The following CRB1 variants were observed in gnomAD, a reference collection of about 807,000 sequenced individuals.
The protein encoded by CRB1 is crumbs cell polarity complex component 1, also known as protein crumbs homolog 1.
Under a neutral mutation model 120.0 loss-of-function variants are expected in CRB1, and 83 were observed. That is an observed-to-expected ratio of 0.69 (90% CI 0.58 to 0.83). CRB1 has a LOEUF of 0.83. CRB1 is among the 40% of genes least tolerant of loss of function. The pLI is 0.00. For synonymous variants in CRB1, 625 were observed against 612.5 expected (o/e 1.02, Z -0.30); for missense variants, 1,699 against 1,687.6 (o/e 1.01, Z -0.12).
chr1:197,385,643 G>T (rs1378041308), intron 5 of CRB1, among the ~76,000 whole-genome samples: 1 of 151,990 alleles, frequency 6.6e-6, no homozygotes, highest in African/African-American at 2.4e-5. Flanking sequence ...GGGTTATTAT[G>T]ATTACTATTA....
At chr1:197,271,043 T>TA (rs1469104953) in intron 1 of CRB1, among the ~76,000 whole-genome samples, 1 of 151,790 alleles carries the variant, frequency 6.6e-6, no homozygotes, top group African/African-American at 2.4e-5. Flanking sequence ...CACAAAAATA[T>TA]AAAAAATTAA....
chr1:197,303,561 C>T (rs950089642), intron 1 of CRB1, among the ~76,000 whole-genome samples: 1 of 151,608 alleles, frequency 6.6e-6, no homozygotes, highest in African/African-American at 2.4e-5. Flanking sequence ...CTTTACTCTC[C>T]CCAACAAGTC....
At chr1:197,474,057 T>G (rs1426474704) in intron 11 of CRB1, among the ~76,000 whole-genome samples, 1 of 152,212 alleles carries the variant, frequency 6.6e-6, no homozygotes, top group Non-Finnish European at 1.5e-5. Context: ...TTGGTCATAC[T>G]GCAACGTCCT....
rs569940169 is a variant in CRB1, at chr1:197,328,402, T to G, written c.71-20T>G. 6.3e-7 allele frequency: 1 copy of G among 1,576,018 alleles called. No individual in the cohort carries two copies. The highest frequency in any genetic ancestry group is 1.1e-5 in the South Asian group (1 of 90,032). On this transcript the variant is annotated intron_variant, in intron 1 of 11. Transcript: ENST00000367400. ...TCCTCATTTATAAATTTAATCTTGTTACTTTTTATTTCCTTGTAGATTCCT... is the reference window on the plus strand; with the variant it reads ...TCCTCATTTATAAATTTAATCTTGTGACTTTTTATTTCCTTGTAGATTCCT...
In CRB1 at chr1:197,477,661, C is replaced by T. The variant is rs755256912; in HGVS notation, c.4006-3C>T. The stretch of plus-strand genomic sequence containing the variant: ...CGCATCCCAATGATTTCAATCTTTC[C>T]AGTTGGCAGATGACTTGATCTCCGA... On this transcript the variant is annotated splice_polypyrimidine_tract_variant and splice_region_variant and intron_variant, in intron 11 of 11. Transcript: ENST00000367400. 1.9e-6 allele frequency: 3 copies of T among 1,613,118 alleles called. No homozygotes were observed. Among genetic ancestry groups the T allele is most frequent in the Non-Finnish European group, 2.5e-6 (3 of 1,179,226 alleles).
chr1:197,230,726 G>A, the CRB1 span, among the ~76,000 whole-genome samples: 1 of 152,038 alleles, frequency 6.6e-6, no homozygotes, highest in Admixed American at 6.6e-5. Context: ...GTATTTTTCA[G>A]AGAAAAAGAA....
intron 5 of CRB1, chr1:197,357,412 A>G (rs1240688393): frequency 1.1e-5 from 3 of 273,060 alleles, no homozygotes; most frequent in Non-Finnish European, 2.1e-5. Flanking sequence ...AAAATGACCT[A>G]GTCTCAAGTA....
intron 8 of CRB1, among the ~76,000 whole-genome samples, 188 bp from the exon 9 acceptor site, chr1:197,434,515 GATA>G (rs1665026975): frequency 6.6e-6 from 1 of 151,908 alleles, no homozygotes; most frequent in African/African-American, 2.4e-5. Context: ...ATAAAATGGG[GATA>G]ATAATAATAC....
chr1:197,435,168 T>C lies in CRB1; in HGVS notation c.3305T>C (p.Ile1102Thr), dbSNP rs1342376053. The change falls in exon 9 of 12, where the codon ATC becomes ACC. Residue 1102 changes from isoleucine (I) to threonine (T), a missense_variant. Transcript: ENST00000367400. ...GLQGCLSTIE[I>T]GGIYLSYFEN... is the part of the protein sequence containing the mutation. Reference sequence around the variant, plus strand: ...CAAGGGTGTCTAAGTACAATAGAAATCGGAGGCATTTATCTCTCTTACTTT... The same window carrying C: ...CAAGGGTGTCTAAGTACAATAGAAACCGGAGGCATTTATCTCTCTTACTTT... 1 of 1,613,912 alleles carries C rather than the reference T, an allele frequency of 6.2e-7. No individual in the cohort carries two copies. Among genetic ancestry groups the C allele is most frequent in the South Asian group, 1.1e-5 (1 of 91,080 alleles).
the CRB1 span, among the ~76,000 whole-genome samples, chr1:197,217,459 T>C: frequency 6.6e-6 from 1 of 152,194 alleles, no homozygotes; most frequent in Admixed American, 6.5e-5. Context: ...CAAAATTTGG[T>C]ATATCCATGC....
At chr1:197,279,465 A>C in intron 1 of CRB1, among the ~76,000 whole-genome samples, 1 of 151,662 alleles carries the variant, frequency 6.6e-6, no homozygotes, top group South Asian at 2.1e-4. Flanking sequence ...TCAAATAATT[A>C]TAGATGTAAA....
intron 5 of CRB1, among the ~76,000 whole-genome samples, chr1:197,373,658 A>T (rs1453345303): frequency 6.6e-6 from 1 of 152,202 alleles, no homozygotes; most frequent in African/African-American, 2.4e-5. Flanking sequence ...GGCCAGAAAG[A>T]GGCAAAGAAG....
intron 1 of CRB1, among the ~76,000 whole-genome samples, chr1:197,293,877 T>C (rs530852837): frequency 2.5e-4 from 38 of 152,168 alleles, no homozygotes; most frequent in Admixed American, 1.0e-3. Context: ...AAGCTGAAAC[T>C]GGATCCCTTC....
intron 1 of CRB1, among the ~76,000 whole-genome samples, chr1:197,286,802 A>G (rs574984501): frequency 1.1e-4 from 17 of 152,018 alleles, no homozygotes; most frequent in Non-Finnish European, 2.4e-4. Flanking sequence ...ATTTCATAAA[A>G]TTTTTGTTTA....
chr1:197,423,424 C>T (rs1664431976), intron 6 of CRB1, among the ~76,000 whole-genome samples: 1 of 152,158 alleles, frequency 6.6e-6, no homozygotes, highest in Non-Finnish European at 1.5e-5. Context: ...AAATATTTGA[C>T]TTCAAAAGAT....
At chr1:197,342,405 T>C (rs1659519301) in intron 2 of CRB1, among the ~76,000 whole-genome samples, 1 of 152,156 alleles carries the variant, frequency 6.6e-6, no homozygotes, top group Non-Finnish European at 1.5e-5. Context: ...CTCTAAACAT[T>C]CTTGTTTTTG....
the CRB1 span, among the ~76,000 whole-genome samples, chr1:197,212,097 A>T: frequency 6.6e-6 from 1 of 152,228 alleles, no homozygotes; most frequent in Non-Finnish European, 1.5e-5. Flanking sequence ...CATCCATTAG[A>T]ATAACCGAAA....
At chr1:197,207,689 G>T in the CRB1 span, among the ~76,000 whole-genome samples, 1 of 152,016 alleles carries the variant, frequency 6.6e-6, no homozygotes, top group African/African-American at 2.4e-5. Context: ...TTATGACTAT[G>T]TGCCTAGGTG....
chr1:197,257,292 G>A, the CRB1 span, among the ~76,000 whole-genome samples: 4 of 152,018 alleles, frequency 2.6e-5, no homozygotes, highest in Admixed American at 6.6e-5. Flanking sequence ...GATGATGCCC[G>A]CCCGCTTTGG....
Sources: gnomAD v4.1 joint callset for allele counts (sites outside exome capture counted in the v4.1 genomes callset) on GRCh38, gnomAD v4.1.1 for gene constraint, MANE v1.5 for transcripts, NCBI Gene and HGNC (gene_info 2026-07-23, HGNC 2026-07-21) for gene names.